The following GALNT17 variants were observed in gnomAD, a reference collection of about 807,000 sequenced individuals.
The protein encoded by GALNT17 is UDP-GalNAc:polypeptide N-acetylgalactosaminyltransferase-like 3.
A neutral mutation model predicts 63.7 loss-of-function variants in GALNT17; 29 were observed. The observed-to-expected ratio is 0.46, with a 90% CI of 0.34 to 0.62. The LOEUF (loss-of-function observed/expected upper bound fraction) is 0.62, where lower values mean the gene tolerates loss of function less well. Among genes scored for constraint, GALNT17 ranks in the 20% least tolerant of loss-of-function variants. The pLI is 0.01. For synonymous variants in GALNT17, 305 were observed against 318.3 expected (o/e 0.96, Z 0.45); for missense variants, 603 against 799.6 (o/e 0.75, Z 2.97).
At chr7:71,357,894 G>A (rs990936637) in intron 2 of GALNT17, among the ~76,000 whole-genome samples, 7 of 152,282 alleles carry the variant, frequency 4.6e-5, no homozygotes, top group South Asian at 2.1e-4. Context: ...TCTGTAAAAC[G>A]CATCAATCAG....
intron 4 of GALNT17, among the ~76,000 whole-genome samples, chr7:71,418,805 G>A (rs773601270): frequency 1.3e-5 from 2 of 152,184 alleles, no homozygotes; most frequent in Non-Finnish European, 2.9e-5. Context: ...ATTCTCAGCC[G>A]CAGAAATATC....
chr7:71,361,603 A>G (rs937129763), intron 2 of GALNT17, among the ~76,000 whole-genome samples: 1 of 152,142 alleles, frequency 6.6e-6, no homozygotes, highest in Non-Finnish European at 1.5e-5. Context: ...TTTTTCATCT[A>G]GTAGGAGAAG....
chr7:71,464,905 A>T (rs1017156890), intron 5 of GALNT17, among the ~76,000 whole-genome samples: 2 of 152,228 alleles, frequency 1.3e-5, no homozygotes, highest in African/African-American at 4.8e-5. Context: ...AGGACAGCCA[A>T]TAAGTAAAGA....
chr7:71,300,938 C>G (rs529962348), intron 1 of GALNT17: 2 of 152,528 alleles, frequency 1.3e-5, no homozygotes, highest in Non-Finnish European at 2.9e-5. Context: ...ACCACTTATT[C>G]CACTTTTACA....
At chr7:71,590,797 G>A (rs1166735896) in intron 6 of GALNT17, among the ~76,000 whole-genome samples, 11 of 152,062 alleles carry the variant, frequency 7.2e-5, no homozygotes, top group Admixed American at 5.9e-4. Context: ...GCTCGATCTC[G>A]GCTCACTGGA....
At chr7:71,623,852 C>T (rs189579044) in intron 6 of GALNT17, among the ~76,000 whole-genome samples, 222 of 152,308 alleles carry the variant, frequency 1.5e-3, no homozygotes, top group African/African-American at 5.3e-3. Flanking sequence ...ATCTGCATTT[C>T]CACCATCTTT....
At chr7:71,647,652 T>G (rs961345000) in intron 6 of GALNT17, among the ~76,000 whole-genome samples, 2 of 152,210 alleles carry the variant, frequency 1.3e-5, no homozygotes, top group African/African-American at 4.8e-5. Flanking sequence ...GAGTCCATGC[T>G]CTGTCCACTG....
chr7:71,449,180 T>G (rs1787215952), intron 5 of GALNT17, among the ~76,000 whole-genome samples: 1 of 128,198 alleles, frequency 7.8e-6, no homozygotes, highest in Non-Finnish European at 1.6e-5. Context: ...TGGCGCGATC[T>G]TGGCTCACTG....
At chr7:71,341,737 G>A (rs116661055) in intron 2 of GALNT17, among the ~76,000 whole-genome samples, 5 of 152,262 alleles carry the variant, frequency 3.3e-5, no homozygotes, top group African/African-American at 1.2e-4. Context: ...CAAAAATGTA[G>A]GCTCTTAACA....
intron 1 of GALNT17, among the ~76,000 whole-genome samples, chr7:71,263,660 A>G (rs369611276): frequency 3.7e-4 from 56 of 152,226 alleles, no homozygotes; most frequent in Middle Eastern, 3.4e-3. Flanking sequence ...GCGGTGGCTC[A>G]TGCCTGTAAT....
At chr7:71,174,792 A>C (rs1437378026) in intron 1 of GALNT17, among the ~76,000 whole-genome samples, 2 of 152,172 alleles carry the variant, frequency 1.3e-5, no homozygotes, top group Non-Finnish European at 2.9e-5. Context: ...ACTTTTGTGG[A>C]TCTTCAGTTG....
chr7:71,566,377 G>T (rs1219119624), intron 5 of GALNT17, among the ~76,000 whole-genome samples: 3 of 152,086 alleles, frequency 2.0e-5, no homozygotes, highest in Admixed American at 6.6e-5. Flanking sequence ...TTAGAGCAGG[G>T]TCTTCACTAC....
chr7:71,468,026 T>A (rs1787565724), intron 5 of GALNT17, among the ~76,000 whole-genome samples: 1 of 152,068 alleles, frequency 6.6e-6, no homozygotes, highest in South Asian at 2.1e-4. Flanking sequence ...TTTCTCGTTA[T>A]TTTAATTTCT....
At chr7:71,600,335 G>A (rs1789948397) in intron 6 of GALNT17, among the ~76,000 whole-genome samples, 1 of 152,036 alleles carries the variant, frequency 6.6e-6, no homozygotes, top group Non-Finnish European at 1.5e-5. Context: ...TAGACCAAGA[G>A]AGAGCCAGTT....
chr7:71,704,765 A>G (rs921615885), intron 9 of GALNT17, among the ~76,000 whole-genome samples: 5 of 152,218 alleles, frequency 3.3e-5, no homozygotes, highest in African/African-American at 1.2e-4. Flanking sequence ...CAATTCAATA[A>G]GGAAAGAATA....
At chr7:71,141,419 C>T (rs1352794970) in intron 1 of GALNT17, among the ~76,000 whole-genome samples, 1 of 151,808 alleles carries the variant, frequency 6.6e-6, no homozygotes, top group Non-Finnish European at 1.5e-5. Context: ...GGTTTGATTT[C>T]CACTGTCACT....
chr7:71,499,485 T>C (rs1300532064), intron 5 of GALNT17, among the ~76,000 whole-genome samples: 1 of 152,196 alleles, frequency 6.6e-6, no homozygotes, highest in Non-Finnish European at 1.5e-5. Context: ...CAGTGTAACC[T>C]GAACCTAGTA....
chr7:71,672,291 C>T (rs1349490958), intron 8 of GALNT17, among the ~76,000 whole-genome samples: 3 of 152,118 alleles, frequency 2.0e-5, no homozygotes, highest in Non-Finnish European at 4.4e-5. Flanking sequence ...AAGTAGATTT[C>T]AGATGAACTG....
At chr7:71,534,989 A>G (rs1473326020) in intron 5 of GALNT17, among the ~76,000 whole-genome samples, 6 of 152,092 alleles carry the variant, frequency 3.9e-5, no homozygotes, top group Non-Finnish European at 8.8e-5. Flanking sequence ...CAGGGTCTTA[A>G]ATTCTGTACA....
Sources: gnomAD v4.1 joint callset for allele counts (sites outside exome capture counted in the v4.1 genomes callset) on GRCh38, gnomAD v4.1.1 for gene constraint, MANE v1.5 for transcripts, NCBI Gene and HGNC (gene_info 2026-07-23, HGNC 2026-07-21) for gene names.